EDARADD: variants seen among roughly 807,000 people sequenced by gnomAD.
EDARADD encodes ectodysplasin-A receptor-associated adapter protein.
EDARADD carries 20 observed loss-of-function variants against 25.6 expected under a neutral mutation model. That is an observed-to-expected ratio of 0.78 (90% confidence interval 0.55 to 1.14). EDARADD has a LOEUF of 1.14. EDARADD is among the 50% of genes most tolerant of loss of function. The pLI, the probability that EDARADD is intolerant of heterozygous loss-of-function variation, is 0.00. For synonymous variants in EDARADD, 86 were observed against 94.4 expected, an observed-to-expected ratio of 0.91 and a Z score of 0.52; for missense variants, 225 against 270.1, an observed-to-expected ratio of 0.83 and a Z score of 1.17.
At chr1:236,456,979 GA>G (rs1658886784) in intron 4 of EDARADD, among the ~76,000 whole-genome samples, 1 of 151,950 alleles carries the variant, frequency 6.6e-6, no homozygotes, top group African/African-American at 2.4e-5. Flanking sequence ...TTGATTGCTG[GA>G]AAAAAATCAT....
chr1:236,378,376 TCA>T (rs1667250688), intron 3 of EDARADD, among the ~76,000 whole-genome samples: 1 of 152,174 alleles, frequency 6.6e-6, no homozygotes, highest in African/African-American at 2.4e-5. Context: ...TTTTCATTGC[TCA>T]GAGAATTGCT....
intron 3 of EDARADD, among the ~76,000 whole-genome samples, chr1:236,355,773 G>A (rs1666969305): frequency 1.3e-5 from 2 of 151,882 alleles, no homozygotes; most frequent in Non-Finnish European, 2.9e-5. Context: ...GCCTCCCAAA[G>A]TGCTGGGATT....
intron 3 of EDARADD, among the ~76,000 whole-genome samples, chr1:236,369,884 A>G (rs1412094995): frequency 6.6e-6 from 1 of 152,026 alleles, no homozygotes; most frequent in East Asian, 1.9e-4. Flanking sequence ...TATTTCAACT[A>G]TCCTTGATGT....
intron 4 of EDARADD, among the ~76,000 whole-genome samples, chr1:236,454,508 G>A (rs904584269): frequency 6.6e-6 from 1 of 152,174 alleles, no homozygotes; most frequent in African/African-American, 2.4e-5. Flanking sequence ...TTATTTCCTA[G>A]GCTTGGTGTC....
chr1:236,426,036 G>T (rs984014041), intron 3 of EDARADD, among the ~76,000 whole-genome samples: 2 of 151,734 alleles, frequency 1.3e-5, no homozygotes, highest in Non-Finnish European at 2.9e-5. Context: ...GGAGTGCAGT[G>T]GCATGATCGA....
chr1:236,400,682 G>A (rs1667597920), intron 1 of EDARADD, among the ~76,000 whole-genome samples: 1 of 150,842 alleles, frequency 6.6e-6, no homozygotes, highest in African/African-American at 2.4e-5. Context: ...AGCCTCCTGA[G>A]TAGCTGGGGC....
At chr1:236,446,151 GAC>G (rs1422163411) in intron 4 of EDARADD, among the ~76,000 whole-genome samples, 8 of 152,316 alleles carry the variant, frequency 5.3e-5, no homozygotes, top group African/African-American at 1.7e-4. Flanking sequence ...TTTAAACAAA[GAC>G]ACAGAGGTCT....
chr1:236,436,290 C>T (rs58743596), intron 4 of EDARADD, among the ~76,000 whole-genome samples: 1,702 of 152,062 alleles, frequency 0.011, 35 homozygotes, highest in African/African-American at 0.039. Context: ...CCGAGTAGCT[C>T]GAACTACAGG....
chr1:236,414,035 C>T (rs1178740255), intron 2 of EDARADD, among the ~76,000 whole-genome samples: 1 of 152,176 alleles, frequency 6.6e-6, no homozygotes, highest in African/African-American at 2.4e-5. Context: ...AATTTGGAAG[C>T]CTTATTCTGT....
chr1:236,361,622 G>A (rs1016194227), intron 3 of EDARADD, among the ~76,000 whole-genome samples: 11 of 84,800 alleles, frequency 1.3e-4, no homozygotes, highest in African/African-American at 4.0e-4. Context: ...GAGCCACCAC[G>A]CACAGCCAAA....
intron 4 of EDARADD, among the ~76,000 whole-genome samples, chr1:236,443,489 C>T (rs191330675): frequency 4.6e-5 from 7 of 152,230 alleles, no homozygotes; most frequent in Non-Finnish European, 7.3e-5. Flanking sequence ...TTGATTCCAA[C>T]GCTCATGGAT....
intron 4 of EDARADD, among the ~76,000 whole-genome samples, chr1:236,443,207 T>C (rs115660097): frequency 0.014 from 2,082 of 152,306 alleles, 56 homozygotes; most frequent in African/African-American, 0.048. Flanking sequence ...AAATTCCTTT[T>C]CTTTATAAGT....
intron 3 of EDARADD, among the ~76,000 whole-genome samples, chr1:236,358,911 T>C (rs905198284): frequency 6.6e-6 from 1 of 152,174 alleles, no homozygotes; most frequent in Non-Finnish European, 1.5e-5. Context: ...GCTGAGTTCA[T>C]GTCCTGAATA....
intron 1 of EDARADD, among the ~76,000 whole-genome samples, chr1:236,401,122 G>T (rs1167260620): frequency 6.6e-6 from 1 of 151,902 alleles, no homozygotes; most frequent in African/African-American, 2.4e-5. Context: ...GGAGGCAGAG[G>T]TTGCAGTGAG....
chr1:236,353,543 G>A (rs1319601935), intron 3 of EDARADD, among the ~76,000 whole-genome samples: 2 of 152,034 alleles, frequency 1.3e-5, no homozygotes, highest in African/African-American at 2.4e-5. Context: ...GCCGGGCGTG[G>A]TGGTGGGCAC....
At chr1:236,454,252 G>C (rs3121598) in intron 4 of EDARADD, among the ~76,000 whole-genome samples, 100,742 of 151,840 alleles carry the variant, frequency 0.66, 35,621 homozygotes, top group Non-Finnish European at 0.8. Context: ...GTTTCACCCT[G>C]TTAGCCAAGA....
chr1:236,409,080 A>C, intron 1 of EDARADD, 136 bp from the exon 2 acceptor site: 1 of 495,592 alleles, frequency 2.0e-6, no homozygotes. Context: ...AAAAAAAAAA[A>C]AAAAAAAGGA....
intron 4 of EDARADD, among the ~76,000 whole-genome samples, chr1:236,454,557 G>A (rs1253621): frequency 0.35 from 52,906 of 152,046 alleles, 9,504 homozygotes; most frequent in East Asian, 0.41. Context: ...GGCTTTGCTA[G>A]TCTTGACAAT....
intron 5 of EDARADD, among the ~76,000 whole-genome samples, chr1:236,481,313 C>G (rs988556074): frequency 2.6e-5 from 4 of 152,100 alleles, no homozygotes; most frequent in African/African-American, 7.2e-5. Flanking sequence ...CACAGCAGCC[C>G]CTTTTACCCC....
Sources: allele counts gnomAD v4.1 joint callset (sites outside exome capture counted in the v4.1 genomes callset), GRCh38; gene constraint gnomAD v4.1.1; transcripts MANE v1.5; gene names NCBI Gene and HGNC (gene_info 2026-07-23, HGNC 2026-07-21).